The following PDE1C variants were observed in gnomAD, a reference collection of about 807,000 sequenced individuals.
PDE1C encodes the protein phosphodiesterase 1C.
In PDE1C, 62 loss-of-function variants were observed where a neutral mutation model predicts 93.1. The ratio of observed to expected loss-of-function variants is 0.67; its 90% CI spans 0.54 to 0.82. PDE1C has a LOEUF of 0.82. Ranked by LOEUF, PDE1C falls within the 40% of genes least tolerant of loss-of-function variation. The probability of loss-of-function intolerance (pLI) is 0.00; values close to 1 mark genes in which losing one functional copy is unlikely to be tolerated. For missense variants in PDE1C, 742 were observed against 884.6 expected, an observed-to-expected ratio of 0.84 and a Z score of 2.04; for synonymous variants, 325 against 310.1, an observed-to-expected ratio of 1.05 and a Z score of -0.50.
At chr7:32,382,655 G>A (rs556617220) in intron 1 of PDE1C, among the ~76,000 whole-genome samples, 9 of 152,316 alleles carry the variant, frequency 5.9e-5, no homozygotes, top group Middle Eastern at 3.4e-3. Flanking sequence ...CCAGTTACTA[G>A]TCTACAGTTC....
At chr7:31,655,910 A>G in the PDE1C span, 1 of 985,480 alleles carries the variant, frequency 1.0e-6, no homozygotes, top group Non-Finnish European at 1.2e-6. Context: ...CTCACCTGGC[A>G]GCCATCTGCT....
chr7:31,912,393 CAT>C (rs997678899), intron 2 of PDE1C, among the ~76,000 whole-genome samples: 1 of 152,002 alleles, frequency 6.6e-6, no homozygotes, highest in Non-Finnish European at 1.5e-5. Context: ...TGTATTAAAA[CAT>C]AGATAAAAGG....
At chr7:31,963,692 G>A (rs931986245) in intron 2 of PDE1C, among the ~76,000 whole-genome samples, 1 of 152,226 alleles carries the variant, frequency 6.6e-6, no homozygotes, top group Non-Finnish European at 1.5e-5. Flanking sequence ...GGAACAACTA[G>A]AAGTGAATTT....
At chr7:31,630,565 G>T in the PDE1C span, among the ~76,000 whole-genome samples, 2 of 152,246 alleles carry the variant, frequency 1.3e-5, no homozygotes, top group African/African-American at 4.8e-5. Flanking sequence ...ACTGGATTAT[G>T]GATTATTAGT....
At chr7:31,801,483 T>C (rs1261003478) in intron 16 of PDE1C, among the ~76,000 whole-genome samples, 1 of 151,490 alleles carries the variant, frequency 6.6e-6, no homozygotes, top group Non-Finnish European at 1.5e-5. Flanking sequence ...TATTCTTCTA[T>C]GGTTGGGTAT....
At chr7:32,272,738 T>C (rs999125885) in intron 1 of PDE1C, among the ~76,000 whole-genome samples, 5 of 152,234 alleles carry the variant, frequency 3.3e-5, no homozygotes, top group African/African-American at 1.2e-4. Context: ...AAGCCAGTGA[T>C]TGATTTAGGA....
At chr7:31,854,418 T>G (rs970742852) in intron 7 of PDE1C, among the ~76,000 whole-genome samples, 4 of 152,212 alleles carry the variant, frequency 2.6e-5, no homozygotes, top group Non-Finnish European at 4.4e-5. Context: ...GAATTACCAA[T>G]TGGTGGCAAG....
chr7:32,166,210 G>A (rs1419173654), intron 3 of PDE1C, among the ~76,000 whole-genome samples: 1 of 152,124 alleles, frequency 6.6e-6, no homozygotes, highest in Non-Finnish European at 1.5e-5. Flanking sequence ...TGGGTGGTGG[G>A]GGAGAGAAAA....
intron 1 of PDE1C, among the ~76,000 whole-genome samples, chr7:32,239,554 T>C (rs1187199137): frequency 6.6e-6 from 1 of 152,202 alleles, no homozygotes; most frequent in African/African-American, 2.4e-5. Context: ...ATAAAGTAGA[T>C]AAACAGGCAA....
chr7:31,631,370 T>G, the PDE1C span, among the ~76,000 whole-genome samples: 2 of 152,224 alleles, frequency 1.3e-5, no homozygotes, highest in African/African-American at 4.8e-5. Context: ...AAATGTGTAT[T>G]AGGATTATTA....
At chr7:32,147,329 A>AAAGAAAGAAAGGAAGG (rs1554513895) in intron 3 of PDE1C, among the ~76,000 whole-genome samples, 1 of 143,978 alleles carries the variant, frequency 6.9e-6, no homozygotes, top group Admixed American at 7.3e-5. Flanking sequence ...AGAAAGAAAG[A>AAAGAAAGAAAGGAAGG]AAGACGCTGT....
rs56898165 is a variant in PDE1C at position 31,955,575 on chromosome 7, T to C, written c.129-74715A>G. ...AAATGGGGTGGGGCAGTATAAAGTA[T>C]ACTGATTAATTGTCTTAAAATTTAA... On this transcript the variant is annotated intron_variant, in intron 2 of 17. Coordinates refer to ENST00000396191, the MANE Select transcript of PDE1C (RefSeq NM_001191057.4). Among the ~76,000 whole-genome samples, 547 of 152,298 alleles carry C rather than the reference T, an allele frequency of 3.6e-3. 2 individuals are homozygous for C. Among genetic ancestry groups the C allele is most frequent in the African/African-American group, 0.012 (504 of 41,560 alleles).
At chr7:31,983,164 C>T (rs148124975) in intron 2 of PDE1C, among the ~76,000 whole-genome samples, 47 of 152,308 alleles carry the variant, frequency 3.1e-4, no homozygotes, top group African/African-American at 1.1e-3. Flanking sequence ...CAAATTGCTC[C>T]AGGGCTAAGT....
chr7:31,758,436 T>G (rs1393763269), intron 17 of PDE1C, among the ~76,000 whole-genome samples: 1 of 152,206 alleles, frequency 6.6e-6, no homozygotes, highest in Non-Finnish European at 1.5e-5. Context: ...GTACCTATTG[T>G]GTGCTATTGA....
chr7:32,147,857 G>C (rs1018281300), intron 3 of PDE1C, among the ~76,000 whole-genome samples: 2 of 152,016 alleles, frequency 1.3e-5, no homozygotes, highest in African/African-American at 4.8e-5. Context: ...GAGAGCTAAA[G>C]CTGATGCCAT....
chr7:32,400,883 T>C (rs1392788694), intron 1 of PDE1C, among the ~76,000 whole-genome samples: 1 of 152,216 alleles, frequency 6.6e-6, no homozygotes. Flanking sequence ...CACTGTCACA[T>C]GTACCCCACA....
upstream of PDE1C, among the ~76,000 whole-genome samples, chr7:32,075,423 GC>G (rs1796296601): frequency 6.6e-6 from 1 of 152,070 alleles, no homozygotes; most frequent in Admixed American, 6.6e-5. Flanking sequence ...ATGTGAGGCG[GC>G]CCCCACAATG....
chr7:32,125,688 G>A (rs1309186775), intron 3 of PDE1C, among the ~76,000 whole-genome samples: 3 of 151,946 alleles, frequency 2.0e-5, no homozygotes, highest in Non-Finnish European at 4.4e-5. Context: ...TGGATAGAGG[G>A]AAGGGAACAA....
At chr7:31,962,094 A>T (rs996971588) in intron 2 of PDE1C, among the ~76,000 whole-genome samples, 2 of 152,216 alleles carry the variant, frequency 1.3e-5, no homozygotes, top group Admixed American at 1.3e-4. Flanking sequence ...TCTGGCTTCT[A>T]AATATTCAAG....
Sources: allele counts gnomAD v4.1 joint callset (sites outside exome capture counted in the v4.1 genomes callset), GRCh38; gene constraint gnomAD v4.1.1; transcripts MANE v1.5; gene names NCBI Gene and HGNC (gene_info 2026-07-23, HGNC 2026-07-21).